The following GRM7 variants were observed in gnomAD, a reference collection of about 807,000 sequenced individuals.
GRM7 encodes the protein metabotropic glutamate receptor 7.
In GRM7, 35 loss-of-function variants were observed where a neutral mutation model predicts 84.5. The observed-to-expected ratio is 0.41, with a 90% confidence interval of 0.32 to 0.55. GRM7 has a LOEUF of 0.55. GRM7 is among the 20% of genes least tolerant of loss of function. The pLI is 0.19. For missense variants in GRM7, 1,003 were observed against 1,194.6 expected (o/e 0.84, Z 2.36); for synonymous variants, 487 against 455.1 (o/e 1.07, Z -0.89).
intron 7 of GRM7, among the ~76,000 whole-genome samples, chr3:7,538,990 AG>A (rs1692714771): frequency 6.8e-6 from 1 of 147,966 alleles, no homozygotes; most frequent in Non-Finnish European, 1.5e-5. Context: ...AACTCTCAGC[AG>A]CCCCACACCA....
At chr3:7,309,875 T>G (rs1032146613) in intron 4 of GRM7, among the ~76,000 whole-genome samples, 2 of 152,132 alleles carry the variant, frequency 1.3e-5, no homozygotes, top group African/African-American at 2.4e-5. Flanking sequence ...CTGGGGAATG[T>G]CTCTAGAACT....
At chr3:7,008,378 A>G (rs1202017345) in intron 1 of GRM7, among the ~76,000 whole-genome samples, 2 of 152,214 alleles carry the variant, frequency 1.3e-5, no homozygotes, top group Non-Finnish European at 2.9e-5. Flanking sequence ...TTCAAATCAA[A>G]CACTCATAAC....
At chr3:7,230,776 G>C (rs1448522325) in intron 2 of GRM7, among the ~76,000 whole-genome samples, 1 of 152,178 alleles carries the variant, frequency 6.6e-6, no homozygotes, top group Non-Finnish European at 1.5e-5. Flanking sequence ...TTTGCAAACA[G>C]CATTAAGTGT....
At chr3:6,896,379 A>G (rs1045552931) in intron 1 of GRM7, among the ~76,000 whole-genome samples, 18 of 152,234 alleles carry the variant, frequency 1.2e-4, no homozygotes, top group African/African-American at 4.3e-4. Context: ...CTATCATTTC[A>G]TAAAATGAAC....
intron 1 of GRM7, among the ~76,000 whole-genome samples, chr3:7,030,889 T>A (rs1325935320): frequency 6.6e-6 from 1 of 152,226 alleles, no homozygotes; most frequent in Non-Finnish European, 1.5e-5. Flanking sequence ...GAATTAAGTT[T>A]ACTAAAACTC....
chr3:7,571,409 T>C (rs1342034746), intron 7 of GRM7, among the ~76,000 whole-genome samples: 3 of 152,162 alleles, frequency 2.0e-5, no homozygotes, highest in Non-Finnish European at 4.4e-5. Context: ...CCAGATACCC[T>C]AAATCATCTC....
intron 2 of GRM7, among the ~76,000 whole-genome samples, chr3:7,243,797 G>A (rs947367743): frequency 3.3e-5 from 5 of 152,060 alleles, no homozygotes; most frequent in African/African-American, 1.2e-4. Flanking sequence ...CCTACTATAG[G>A]CTATATGGTA....
chr3:7,307,293 G>A (rs967488781), intron 4 of GRM7, among the ~76,000 whole-genome samples: 8 of 151,948 alleles, frequency 5.3e-5, no homozygotes, highest in Non-Finnish European at 8.8e-5. Context: ...AAAATTTGCC[G>A]ATTATAAGTT....
chr3:7,048,463 C>T (rs1472687598), intron 1 of GRM7, among the ~76,000 whole-genome samples: 13 of 150,284 alleles, frequency 8.7e-5, no homozygotes, highest in African/African-American at 3.2e-4. Flanking sequence ...GTTTTGCTGA[C>T]CAAAGAAAAT....
In GRM7 at chr3:7,704,426, AG is replaced by A. The variant is rs555527099; in HGVS notation, c.2698+24132del. ...GAAAAACACTGAGTGAATGATAAAA[AG>A]TTTGAGAGTATTTTTTTCTATAATT... On this transcript the variant is annotated intron_variant, in intron 9 of 9. Transcript: ENST00000357716. Among the ~76,000 whole-genome samples, 475 of 152,332 alleles carry A rather than the reference AG, an allele frequency of 3.1e-3. 7 individuals are homozygous for A. Among genetic ancestry groups the A allele is most frequent in the Middle Eastern group, 0.02 (6 of 294 alleles).
chr3:7,110,389 T>G (rs999618083), intron 1 of GRM7, among the ~76,000 whole-genome samples: 2 of 152,014 alleles, frequency 1.3e-5, no homozygotes, highest in Non-Finnish European at 2.9e-5. Context: ...TCACTTCAGG[T>G]CAGGAGTTTA....
chr3:7,368,892 A>C (rs997951023), intron 4 of GRM7, among the ~76,000 whole-genome samples: 4 of 12,122 alleles, frequency 3.3e-4, no homozygotes, highest in Admixed American at 2.4e-3. Flanking sequence ...AATTTTTAAA[A>C]ATGAGTGATG....
chr3:7,685,518 C>T (rs1700546784), intron 9 of GRM7, among the ~76,000 whole-genome samples: 1 of 152,044 alleles, frequency 6.6e-6, no homozygotes, highest in South Asian at 2.1e-4. Context: ...GACTGATGAA[C>T]TCACTCTGGG....
intron 2 of GRM7, among the ~76,000 whole-genome samples, chr3:7,285,062 T>A (rs1262022834): frequency 1.3e-5 from 2 of 152,142 alleles, no homozygotes; most frequent in African/African-American, 4.8e-5. Flanking sequence ...TAAATTTTAT[T>A]TTTTTGAAAT....
At chr3:6,892,687 A>C (rs1294450226) in intron 1 of GRM7, 1 of 152,098 alleles carries the variant, frequency 6.6e-6, no homozygotes, top group Non-Finnish European at 1.5e-5. Context: ...TCACATGCTA[A>C]ACTTCACCTC....
At chr3:6,934,539 G>A (rs1485063343) in intron 1 of GRM7, among the ~76,000 whole-genome samples, 1 of 152,180 alleles carries the variant, frequency 6.6e-6, no homozygotes, top group Non-Finnish European at 1.5e-5. Context: ...ATTAGAATGA[G>A]TGTATATGAG....
In GRM7 at chr3:6,989,424, A is replaced by T. The variant is rs148597552; in HGVS notation, c.519+127517A>T. Among the ~76,000 whole-genome samples the T allele has an allele frequency of 5.3e-5, 8 of 152,346 alleles. No individual in the cohort carries two copies. In the East Asian group the frequency reaches 1.3e-3, roughly 26 times the overall value. On this transcript the variant is annotated intron_variant, in intron 1 of 9. Coordinates refer to ENST00000357716, the MANE Select transcript of GRM7 (RefSeq NM_000844.4). ...TTCCTTAAGATGACATAGTTAGGGG[A>T]TGGATCCAGTCTTCTATTTTGTATT...
At chr3:7,652,404 A>G (rs908545599) in intron 8 of GRM7, among the ~76,000 whole-genome samples, 6 of 152,218 alleles carry the variant, frequency 3.9e-5, no homozygotes, top group African/African-American at 1.4e-4. Context: ...AGTACCCGGC[A>G]AAGAGCATTT....
intron 1 of GRM7, among the ~76,000 whole-genome samples, chr3:7,137,780 G>A (rs1693817715): frequency 6.6e-6 from 1 of 151,946 alleles, no homozygotes; most frequent in Non-Finnish European, 1.5e-5. Context: ...CCCACATAAT[G>A]TCTTCTCTTC....
Sources: gnomAD v4.1 joint callset for allele counts (sites outside exome capture counted in the v4.1 genomes callset) on GRCh38, gnomAD v4.1.1 for gene constraint, MANE v1.5 for transcripts, NCBI Gene and HGNC (gene_info 2026-07-23, HGNC 2026-07-21) for gene names.